ERBIN: variants seen among roughly 807,000 people sequenced by gnomAD.
ERBIN encodes the protein densin-180-like protein.
ERBIN carries 60 observed loss-of-function variants against 158.4 expected under a neutral mutation model. The ratio of observed to expected loss-of-function variants is 0.38; its 90% confidence interval spans 0.31 to 0.47. The LOEUF is 0.47. Ranked by LOEUF, ERBIN falls within the 20% of genes least tolerant of loss-of-function variation. ERBIN has a pLI of 0.99. For synonymous variants in ERBIN, 594 were observed against 557.2 expected (o/e 1.07, Z -0.93); for missense variants, 1,610 against 1,648.0 (o/e 0.98, Z 0.40).
chr5:66,019,764 G>T (rs1015283535), intron 7 of ERBIN, among the ~76,000 whole-genome samples: 1 of 151,750 alleles, frequency 6.6e-6, no homozygotes, highest in African/African-American at 2.4e-5. Flanking sequence ...TTTCATTTTT[G>T]TACCCTTTTC....
chr5:66,006,395 C>A (rs997470983), intron 4 of ERBIN, among the ~76,000 whole-genome samples: 7 of 152,116 alleles, frequency 4.6e-5, no homozygotes, highest in South Asian at 2.1e-4. Flanking sequence ...AATTAATTCA[C>A]GATGGATTAA....
Position 66,053,522 on chromosome 5 carries a change from T to G in ERBIN, c.2204T>G (p.Leu735Trp), listed in dbSNP as rs763593331. ...GATTTTAACTTACCTGAATATGATT[T>G]GAATGTTGAAGAGCGATTAGTTCTA... ...KKDFNLPEYDLNVEERLVLIE... is the reference protein window; with the variant it reads ...KKDFNLPEYDWNVEERLVLIE... Residue 735 changes from leucine (L) to tryptophan (W), a missense_variant, in exon 21 of 26, where the codon TTG (leucine) becomes TGG (tryptophan). By Grantham distance (61) the Leu-to-Trp change is moderately conservative. Around this residue, in one of 2 missense-constraint regions of ERBIN, gnomAD observed 1,014 missense variants for 936.1 expected, o/e 1.08. Coordinates refer to ENST00000284037, the MANE Select transcript of ERBIN (RefSeq NM_001253697.2). The G allele has an allele frequency of 3.2e-5, 51 of 1,611,822 alleles. No homozygotes were observed. The South Asian group carries it at 4.6e-4, about 15-fold the overall frequency.
intron 5 of ERBIN, 74 bp downstream of exon 5, chr5:66,012,201 T>A: frequency 1.0e-6 from 1 of 975,726 alleles, no homozygotes; most frequent in Non-Finnish European, 1.5e-6. Context: ...TTATTGTACA[T>A]ATTTTAACAA....
At chr5:66,077,092 A>G (rs1580561944) in intron 25 of ERBIN, 143 bp downstream of exon 25, 1 of 540,592 alleles carries the variant, frequency 1.8e-6, no homozygotes, top group Non-Finnish European at 3.3e-6. Context: ...CGGCACTTGC[A>G]GCGAGCCGAG....
chr5:65,941,588 G>T (rs1169210781), intron 1 of ERBIN, among the ~76,000 whole-genome samples: 3 of 151,686 alleles, frequency 2.0e-5, no homozygotes, highest in African/African-American at 2.4e-5. Flanking sequence ...CAGTTATTTT[G>T]AGCCTTTATT....
At chr5:65,981,678 CTG>C (rs1378452378) in intron 1 of ERBIN, among the ~76,000 whole-genome samples, 22 of 152,048 alleles carry the variant, frequency 1.4e-4, no homozygotes, top group African/African-American at 5.1e-4. Flanking sequence ...TTTTAGGTAT[CTG>C]TTTCTGTGTT....
At chr5:66,072,965 A>G (rs1761662838) in intron 22 of ERBIN, among the ~76,000 whole-genome samples, 1 of 152,180 alleles carries the variant, frequency 6.6e-6, no homozygotes, top group Admixed American at 6.5e-5. Flanking sequence ...TTCATAAGTC[A>G]TCTAATACTT....
intron 23 of ERBIN, among the ~76,000 whole-genome samples, chr5:66,075,674 T>A (rs1003355245): frequency 1.3e-5 from 2 of 152,212 alleles, no homozygotes; most frequent in Non-Finnish European, 2.9e-5. Context: ...TTGATAGTTA[T>A]TAATAAAATG....
chr5:65,989,904 G>A (rs140307511), intron 2 of ERBIN, among the ~76,000 whole-genome samples: 178 of 152,284 alleles, frequency 1.2e-3, no homozygotes, highest in African/African-American at 4.0e-3. Flanking sequence ...TCTAGAACAA[G>A]AAATTTTGTA....
At position 66,078,926 on chromosome 5, in the gene ERBIN, T is replaced by C. The variant is rs1762248776; in HGVS notation, c.*396T>C. 1 of 168,998 alleles carries C rather than the reference T, an allele frequency of 5.9e-6. No homozygotes were observed. Among genetic ancestry groups the C allele is most frequent in the South Asian group, 1.5e-4 (1 of 6,510 alleles). The allele number at this position is 168,998 out of a possible 1,614,324, so 10.5% of individuals were successfully genotyped here. On this transcript the variant is annotated 3_prime_UTR_variant, in exon 26 of 26. Coordinates refer to ENST00000284037, the MANE Select transcript of ERBIN (RefSeq NM_001253697.2). ...TATCTCTCTCATAGCTTTTATGCCC[T>C]TATTTTTATTCAACTGGTATTAATG...
chr5:66,007,766 C>CTT (rs1252995036), intron 4 of ERBIN, among the ~76,000 whole-genome samples: 3 of 152,168 alleles, frequency 2.0e-5, no homozygotes, highest in Non-Finnish European at 4.4e-5. Flanking sequence ...AACACATTTG[C>CTT]TGAATAACTT....
chr5:65,977,149 A>ACC (rs1280622353), intron 1 of ERBIN, among the ~76,000 whole-genome samples: 8 of 123,102 alleles, frequency 6.5e-5, no homozygotes, highest in Admixed American at 3.3e-4. Context: ...CGGGGGGCTG[A>ACC]CTCCCCCACC....
intron 1 of ERBIN, among the ~76,000 whole-genome samples, chr5:65,947,980 A>C (rs1024083807): frequency 6.7e-6 from 1 of 150,080 alleles, no homozygotes; most frequent in Non-Finnish European, 1.5e-5. Flanking sequence ...ATTCCACTCC[A>C]GCCTGGGCAA....
At chr5:66,044,020 A>G (rs901818962) in intron 16 of ERBIN, 117 bp from the exon 17 acceptor site, 31 of 636,614 alleles carry the variant, frequency 4.9e-5, no homozygotes, top group Non-Finnish European at 7.0e-5. Context: ...CTGTCTTCAC[A>G]GTTATCCCTA....
intron 4 of ERBIN, among the ~76,000 whole-genome samples, chr5:66,011,556 G>A (rs1269508931): frequency 6.6e-6 from 1 of 152,062 alleles, no homozygotes; most frequent in Non-Finnish European, 1.5e-5. Flanking sequence ...GCATGGTGGC[G>A]GGCGCCTGTA....
At chr5:65,956,694 A>G (rs1747186567) in intron 1 of ERBIN, among the ~76,000 whole-genome samples, 1 of 151,904 alleles carries the variant, frequency 6.6e-6, no homozygotes, top group Non-Finnish European at 1.5e-5. Context: ...AAAATTTCTT[A>G]AAAAGAAATT....
chr5:66,058,046 A>G (rs1486512614), intron 21 of ERBIN, among the ~76,000 whole-genome samples: 1 of 152,150 alleles, frequency 6.6e-6, no homozygotes, highest in Non-Finnish European at 1.5e-5. Context: ...TTAGGTATAT[A>G]CCCAGTAATG....
chr5:65,928,638 A>G (rs1003801297), intron 1 of ERBIN, among the ~76,000 whole-genome samples: 1 of 152,194 alleles, frequency 6.6e-6, no homozygotes, highest in Non-Finnish European at 1.5e-5. Flanking sequence ...GGAGAAGAGT[A>G]GTATGTTTCG....
At chr5:66,061,190 G>T (rs1015251773) in intron 21 of ERBIN, among the ~76,000 whole-genome samples, 3 of 152,270 alleles carry the variant, frequency 2.0e-5, no homozygotes, top group East Asian at 1.9e-4. Context: ...AAGTCTCTTT[G>T]TAGGTCCCTA....
Sources: allele counts gnomAD v4.1 joint callset (sites outside exome capture counted in the v4.1 genomes callset), GRCh38; gene constraint gnomAD v4.1.1; regional missense constraint gnomAD v4.1.1; transcripts MANE v1.5; gene names NCBI Gene and HGNC (gene_info 2026-07-23, HGNC 2026-07-21).